The following KRT81 variants were observed in gnomAD, a reference collection of about 807,000 sequenced individuals.
The protein encoded by KRT81 is keratin, type II cuticular Hb1.
A neutral mutation model predicts 35.8 loss-of-function variants in KRT81; 35 were observed. The ratio of observed to expected loss-of-function variants is 0.98; its 90% CI spans 0.75 to 1.30. KRT81 has a LOEUF of 1.30. KRT81 is among the 50% of genes most tolerant of loss of function. The pLI is 0.00. For missense variants in KRT81, 531 were observed against 577.4 expected, an observed-to-expected ratio of 0.92 and a Z score of 0.82; for synonymous variants, 249 against 251.2, an observed-to-expected ratio of 0.99 and a Z score of 0.08.
rs368237680 is a variant in KRT81, at chr12:52,287,101, C to T, written c.1247+1G>A. ...TCTGGGCCACCCTTGGTTGGACCCA[C>T]CTCTGCTCCTCGCCCTCCAGCAGGC... is the stretch of plus-strand genomic sequence containing the variant. On this transcript the variant is annotated splice_donor_variant, in intron 7 of 8. Coordinates refer to ENST00000327741, the MANE Select transcript of KRT81 (RefSeq NM_002281.4). LOFTEE classifies it high-confidence loss of function. 9 of 1,612,880 alleles carry T rather than the reference C, an allele frequency of 5.6e-6. No individual in the cohort carries two copies. Among genetic ancestry groups the T allele is most frequent in the East Asian group, 2.2e-5 (1 of 44,878 alleles).
At chr12:52,287,056 C>T (rs1565740062) in intron 7 of KRT81, 46 bp downstream of exon 7, 1 of 1,612,454 alleles carries the variant, frequency 6.2e-7, no homozygotes, top group Admixed American at 1.7e-5. Context: ...AGGCTTGTGC[C>T]AGGGATGGGG....
chr12:52,288,590 T>C, intron 3 of KRT81, 134 bp from the exon 4 acceptor site: 1 of 1,106,570 alleles, frequency 9.0e-7, no homozygotes. Flanking sequence ...TTCCTCCCCT[T>C]CTGCCCTTCC....
In KRT81 at chr12:52,287,098, C is replaced by A; in HGVS notation, c.1247+4G>T. The A allele has an allele frequency of 6.2e-7, 1 of 1,612,846 alleles. No individual in the cohort carries two copies. Among genetic ancestry groups the A allele is most frequent in the East Asian group, 2.2e-5 (1 of 44,872 alleles). On this transcript the variant is annotated splice_donor_region_variant and intron_variant, in intron 7 of 8. Coordinates refer to ENST00000327741, the MANE Select transcript of KRT81 (RefSeq NM_002281.4). Reference sequence around the variant, plus strand: ...GGTTCTGGGCCACCCTTGGTTGGACCCACCTCTGCTCCTCGCCCTCCAGCA... The same window carrying A: ...GGTTCTGGGCCACCCTTGGTTGGACACACCTCTGCTCCTCGCCCTCCAGCA...
At chr12:52,288,518 C>T (rs879007655) in intron 3 of KRT81, 62 bp from the exon 4 acceptor site, 2 of 1,584,298 alleles carry the variant, frequency 1.3e-6, no homozygotes, top group South Asian at 1.1e-5. Flanking sequence ...AGACTCCTCT[C>T]TCTGCCCATC....
At chr12:52,288,222 G>A in intron 4 of KRT81, 74 bp from the exon 5 acceptor site, 2 of 1,593,272 alleles carry the variant, frequency 1.3e-6, no homozygotes, top group Non-Finnish European at 1.7e-6. Context: ...CACCTCCTCA[G>A]GCTTTCTCTG....
chr12:52,287,419 C>T, intron 6 of KRT81, 97 bp from the exon 7 acceptor site: 3 of 1,574,144 alleles, frequency 1.9e-6, no homozygotes, highest in South Asian at 2.3e-5. Flanking sequence ...TGGGAGCACC[C>T]CAGAACAGAG....
intron 6 of KRT81, 99 bp downstream of exon 6, chr12:52,287,497 G>C (rs979808341): frequency 6.8e-6 from 11 of 1,607,640 alleles, no homozygotes; most frequent in Non-Finnish European, 9.4e-6. Context: ...GACAAAGGGG[G>C]TGGAGAATGA....
intron 6 of KRT81, 36 bp from the exon 7 acceptor site, chr12:52,287,358 C>T: frequency 1.2e-6 from 2 of 1,612,000 alleles, no homozygotes; most frequent in Non-Finnish European, 1.7e-6. Flanking sequence ...AGATTAGAGT[C>T]CCTGGGTCTC....
chr12:52,291,444 C>G lies in KRT81; in HGVS notation c.22G>C (p.Gly8Arg), dbSNP rs183915325. The change falls in exon 1 of 9, where the codon GGT becomes CGT. Residue 8 changes from glycine to arginine, a missense_variant. This residue lies in a region of KRT81 where 133 missense variants were observed against 125.9 expected (regional missense o/e 1.06). Transcript: ENST00000327741. MTCGSGF[G>R]GRAFSCISAC... ...GAGATGCAGCTGAAGGCGCGCCCAC[C>G]AAATCCTGATCCGCAGGTCATGATC... 5.0e-6 allele frequency: 8 copies of G among 1,612,716 alleles called. No individual in the cohort carries two copies. The African/African-American group carries it at 1.1e-4, about 22-fold the overall frequency.
intron 5 of KRT81, 88 bp downstream of exon 5, chr12:52,287,896 G>T: frequency 1.9e-6 from 3 of 1,609,136 alleles, no homozygotes; most frequent in Non-Finnish European, 2.6e-6. Flanking sequence ...CTAGGGACCA[G>T]CATCCCCAGA....
chr12:52,288,246 C>G, intron 4 of KRT81, 98 bp from the exon 5 acceptor site: 1 of 1,595,244 alleles, frequency 6.3e-7, no homozygotes. Flanking sequence ...CCCAACCCTG[C>G]CCCCTCACAC....
Position 52,291,456 on chromosome 12 carries a change from C to T in KRT81, c.10G>A (p.Gly4Arg), listed in dbSNP as rs781499301. 6.8e-6 allele frequency: 11 copies of T among 1,612,936 alleles called. No individual in the cohort carries two copies. Among genetic ancestry groups the T allele is most frequent in the South Asian group, 3.3e-5 (3 of 90,952 alleles). Residue 4 changes from glycine to arginine, a missense_variant, in exon 1 of 9, where the codon GGA becomes AGA. Physicochemically the swap from Gly to Arg is moderately radical, Grantham distance 125. Around this residue, in one of 5 missense-constraint regions of KRT81, gnomAD observed 133 missense variants for 125.9 expected, o/e 1.06. Coordinates refer to ENST00000327741, the MANE Select transcript of KRT81 (RefSeq NM_002281.4). ...AAGGCGCGCCCACCAAATCCTGATC[C>T]GCAGGTCATGATCCTCCTGGACGTT... MTC[G>R]SGFGGRAFSC...
chr12:52,291,171 C>T lies in KRT81; in HGVS notation c.295G>A (p.Ala99Thr), dbSNP rs775232167. Residue 99 changes from alanine to threonine, a missense_variant, in exon 1 of 9, where the codon GCG (alanine) becomes ACG (threonine). By Grantham distance (58) the Ala-to-Thr change is moderately conservative. This residue lies in a region of KRT81 where 194 missense variants were observed against 198.2 expected (regional missense o/e 0.98). Transcript: ENST00000327741. Reference protein sequence around the residue: ...TPLNLEIDPNAQCVKQEEKEQ... With the variant: ...TPLNLEIDPNTQCVKQEEKEQ... ...TTCTCCTCCTGCTTCACGCACTGCG[C>T]GTTGGGGTCGATCTCCAGGTTGAGG... The T allele has an allele frequency of 3.8e-5, 46 of 1,211,142 alleles. No individual in the cohort carries two copies. Among genetic ancestry groups the T allele is most frequent in the Non-Finnish European group, 4.5e-5 (40 of 882,396 alleles). 75.0% of individuals were successfully genotyped at this position (1,211,142 alleles called of 1,614,324 possible). A position where few individuals can be genotyped will look rare whatever the true frequency, so the allele number is the denominator to read the frequency against.
rs1340068192 is a variant in KRT81, at chr12:52,291,403, C to T, written c.63G>A (p.Arg21=). Residue 21 remains arginine (R), a synonymous_variant, in exon 1 of 9, where the codon CGG becomes CGA. Transcript: ENST00000327741. ...CGGCGGTGATGCAGCAGCGGCCGGG[C>T]CGCGGCCCGCAGGCCGAGATGCAGC... ...AFSCISACGP[R]PGRCCITAAP... The T allele has an allele frequency of 1.2e-6, 2 of 1,610,236 alleles. No homozygotes were observed. Among genetic ancestry groups the T allele is most frequent in the East Asian group, 2.2e-5 (1 of 44,752 alleles).
chr12:52,287,381 C>A, intron 6 of KRT81, 59 bp from the exon 7 acceptor site: 1 of 1,600,236 alleles, frequency 6.2e-7, no homozygotes, highest in Non-Finnish European at 8.5e-7. Flanking sequence ...TGATGCTCAT[C>A]CAAATGAGAC....
Position 52,286,167 on chromosome 12 carries a change from G to A in KRT81, c.*88C>T. On this transcript the variant is annotated 3_prime_UTR_variant, in exon 9 of 9. Transcript: ENST00000327741. ...CTTTCAAAGTGCAGGAGAAGTAGCT[G>A]AGCACTTGCTCCAGGCGCCTGGACT... The A allele has an allele frequency of 1.9e-6, 2 of 1,037,936 alleles. No individual in the cohort carries two copies. The highest frequency in any genetic ancestry group is 2.7e-5 in the South Asian group (2 of 73,238). 64.3% of individuals were successfully genotyped at this position (1,037,936 alleles called of 1,614,324 possible).
Position 52,286,780 on chromosome 12 carries a change from C to G in KRT81, c.1279+11G>C. 1 of 1,613,824 alleles carries G rather than the reference C, an allele frequency of 6.2e-7. No individual in the cohort carries two copies. The highest frequency in any genetic ancestry group is 1.1e-5 in the South Asian group (1 of 91,042). ...TAGTAAATCTGTCCACACTGGACCCCAAATACTCACAGACATTCACAGCCC... is the reference window on the plus strand; with the variant it reads ...TAGTAAATCTGTCCACACTGGACCCGAAATACTCACAGACATTCACAGCCC... On this transcript the variant is annotated intron_variant, in intron 8 of 8. Transcript: ENST00000327741.
At chr12:52,286,924 CAG>C in intron 7 of KRT81, 102 bp from the exon 8 acceptor site, 1 of 1,540,480 alleles carries the variant, frequency 6.5e-7, no homozygotes, top group African/African-American at 1.4e-5. Context: ...CAATTAAGAA[CAG>C]AGTCTGAGGG....
In KRT81 at chr12:52,291,404, C is replaced by G. The variant is rs202205489; in HGVS notation, c.62G>C (p.Arg21Pro). 5.0e-6 allele frequency: 8 copies of G among 1,610,462 alleles called. 1 individual carries two copies. In the South Asian group the frequency reaches 6.6e-5, roughly 13 times the overall value. The change falls in exon 1 of 9, where the codon CGG becomes CCG. Residue 21 changes from arginine to proline, a missense_variant. This residue lies in a region of KRT81 where 133 missense variants were observed against 125.9 expected (regional missense o/e 1.06). Transcript: ENST00000327741. ...AFSCISACGP[R>P]PGRCCITAAP... Reference sequence around the variant, plus strand: ...GGCGGTGATGCAGCAGCGGCCGGGCCGCGGCCCGCAGGCCGAGATGCAGCT... The same window carrying G: ...GGCGGTGATGCAGCAGCGGCCGGGCGGCGGCCCGCAGGCCGAGATGCAGCT...
Sources: allele counts gnomAD v4.1 joint callset, GRCh38; gene constraint gnomAD v4.1.1; regional missense constraint gnomAD v4.1.1; transcripts MANE v1.5; gene names NCBI Gene and HGNC (gene_info 2026-07-23, HGNC 2026-07-21).